The following ZNF691 variants were observed in gnomAD, a reference collection of about 807,000 sequenced individuals.
ZNF691 encodes the protein zinc finger protein 691.
Under a neutral mutation model 24.1 loss-of-function variants are expected in ZNF691, and 11 were observed. The observed-to-expected ratio is 0.46, with a 90% CI of 0.29 to 0.75. ZNF691 has a LOEUF of 0.75. Among genes scored for constraint, ZNF691 ranks in the 30% least tolerant of loss-of-function variants. The probability of loss-of-function intolerance (pLI) is 0.11; values close to 1 mark genes in which losing one functional copy is unlikely to be tolerated. For missense variants in ZNF691, 356 were observed against 409.0 expected (o/e 0.87, Z 1.12); for synonymous variants, 149 against 153.9 (o/e 0.97, Z 0.23).
chr1:42,851,173 T>C lies in ZNF691; in HGVS notation c.308T>C (p.Ile103Thr). 5.6e-6 allele frequency: 9 copies of C among 1,614,192 alleles called. No individual in the cohort carries two copies. Among genetic ancestry groups the C allele is most frequent in the Non-Finnish European group, 7.6e-6 (9 of 1,180,036 alleles). Residue 103 changes from isoleucine to threonine, a missense_variant, in exon 4 of 4, where the codon ATT (isoleucine) becomes ACT (threonine). Transcript: ENST00000651192. The surrounding 1 kb of genome is among the most constrained non-coding windows in gnomAD (Gnocchi z 4.7). ...TVRARELGDP[I>T]AHPRHEADEK... ...CGGGCTCGAGAGCTAGGGGACCCCATTGCTCATCCAAGGCATGAGGCAGAT... is the reference window on the plus strand; with the variant it reads ...CGGGCTCGAGAGCTAGGGGACCCCACTGCTCATCCAAGGCATGAGGCAGAT...
At chr1:42,847,928 T>C (rs1179766649) in intron 1 of ZNF691, among the ~76,000 whole-genome samples, 1 of 152,204 alleles carries the variant, frequency 6.6e-6, no homozygotes, top group East Asian at 1.9e-4. Flanking sequence ...ATTCGAGCTT[T>C]AAAAAAATGT....
At chr1:42,849,771 C>G (rs756344007) in intron 3 of ZNF691, 29 bp downstream of exon 3, 29 of 1,538,766 alleles carry the variant, frequency 1.9e-5, no homozygotes, top group Non-Finnish European at 2.5e-5. Context: ...CTTTCCCTGT[C>G]CTTGGCTGTA....
Position 42,851,407 on chromosome 1 carries a change from G to A in ZNF691, c.542G>A (p.Arg181Gln), listed in dbSNP as rs375726750. 39 of 1,613,990 alleles carry A rather than the reference G, an allele frequency of 2.4e-5. No individual in the cohort carries two copies. The highest frequency in any genetic ancestry group is 3.1e-5 in the Non-Finnish European group (36 of 1,180,038). The change falls in exon 4 of 4, where the codon CGG becomes CAG. Residue 181 changes from arginine (R) to glutamine (Q), a missense_variant. Transcript: ENST00000651192. This position sits in a 1 kb window ranked among gnomAD's most constrained non-coding sequence, Gnocchi z 4.7. Reference protein sequence around the residue: ...YKCPKCQESFRRRSDLTTHQQ... With the variant: ...YKCPKCQESFQRRSDLTTHQQ... The stretch of plus-strand genomic sequence containing the variant: ...TGCCCCAAGTGCCAGGAGAGCTTTC[G>A]GCGGCGCTCAGACCTCACCACGCAC...
Position 42,851,324 on chromosome 1 carries a change from G to A in ZNF691, c.459G>A (p.Ser153=), listed in dbSNP as rs183197489. ...GTTCTGAATGTGGCAAGAGCTTCTC[G>A]AGAAGCTCCAACCGCATCCGGCACG... ...YKCSECGKSF[S]RSSNRIRHER... Residue 153 remains serine, a synonymous_variant, in exon 4 of 4, where the codon TCG becomes TCA. Transcript: ENST00000651192. The surrounding 1 kb of genome is among the most constrained non-coding windows in gnomAD (Gnocchi z 4.7). 27 of 1,613,592 alleles carry A rather than the reference G, an allele frequency of 1.7e-5. No homozygotes were observed. Among genetic ancestry groups the A allele is most frequent in the Admixed American group, 6.7e-5 (4 of 59,980 alleles).
At chr1:42,847,948 G>A (rs1004538600) in intron 1 of ZNF691, among the ~76,000 whole-genome samples, 1 of 152,198 alleles carries the variant, frequency 6.6e-6, no homozygotes, top group Non-Finnish European at 1.5e-5. Flanking sequence ...TTAATAATGT[G>A]CCAGGTGCTG....
chr1:42,848,448 C>CA (rs1655296889), intron 1 of ZNF691, among the ~76,000 whole-genome samples: 1 of 152,112 alleles, frequency 6.6e-6, no homozygotes, highest in South Asian at 2.1e-4. Context: ...CTAGTAGTTG[C>CA]AAACCACTAT....
In ZNF691 at chr1:42,851,953, G is replaced by A. The variant is rs1570560275; in HGVS notation, c.*140G>A. On this transcript the variant is annotated 3_prime_UTR_variant, in exon 4 of 4. Transcript: ENST00000651192. This position sits in a 1 kb window ranked among gnomAD's most constrained non-coding sequence, Gnocchi z 4.7. ...AGAATGGTTTTGTATAGCCTCTGAA[G>A]TCAGGATCTCAGGAAGTCCTGAGGA... 4.5e-6 allele frequency: 6 copies of A among 1,330,638 alleles called. No individual in the cohort carries two copies. In the East Asian group the frequency reaches 1.5e-4, roughly 33 times the overall value. The allele number at this position is 1,330,638 out of a possible 1,614,324, so 82.4% of individuals were successfully genotyped here. A position where few individuals can be genotyped will look rare whatever the true frequency, so the allele number is the denominator to read the frequency against.
chr1:42,850,660 G>C (rs12082515), intron 3 of ZNF691: 64 of 1,550,172 alleles, frequency 4.1e-5, no homozygotes, highest in Middle Eastern at 1.7e-4. Flanking sequence ...ATTGCTTAGT[G>C]GTTTCAAGAA....
In ZNF691 at chr1:42,851,211, A is replaced by T; in HGVS notation, c.346A>T (p.Ile116Leu). ...PRHEADEKPF[I>L]CAQCGKTFNN... ...GCATGAGGCAGATGAGAAGCCCTTT[A>T]TATGTGCCCAGTGTGGCAAAACCTT... Residue 116 changes from isoleucine (I) to leucine (L), a missense_variant, in exon 4 of 4, where the codon ATA becomes TTA. Transcript: ENST00000651192. This position sits in a 1 kb window ranked among gnomAD's most constrained non-coding sequence, Gnocchi z 4.7. 1.2e-6 allele frequency: 2 copies of T among 1,614,224 alleles called. No homozygotes were observed. Among genetic ancestry groups the T allele is most frequent in the Non-Finnish European group, 1.7e-6 (2 of 1,180,042 alleles).
chr1:42,850,737 T>A (rs748111621), intron 3 of ZNF691: 1 of 1,550,672 alleles, frequency 6.4e-7, no homozygotes, highest in African/African-American at 1.4e-5. Context: ...GCCTTCTTTT[T>A]GCTCTGGTGG....
rs1326019618 is a variant in ZNF691 at position 42,851,967 on chromosome 1, A to G, written c.*154A>G. On this transcript the variant is annotated 3_prime_UTR_variant, in exon 4 of 4. Transcript: ENST00000651192. This position sits in a 1 kb window ranked among gnomAD's most constrained non-coding sequence, Gnocchi z 4.7. ...TAGCCTCTGAAGTCAGGATCTCAGGAAGTCCTGAGGAGGGACTCTGGAATA... is the reference window on the plus strand; with the variant it reads ...TAGCCTCTGAAGTCAGGATCTCAGGGAGTCCTGAGGAGGGACTCTGGAATA... The G allele has an allele frequency of 4.1e-6, 5 of 1,218,140 alleles. No homozygotes were observed. The highest frequency in any genetic ancestry group is 5.9e-6 in the Non-Finnish European group (5 of 843,552). The allele number at this position is 1,218,140 out of a possible 1,614,324, so 75.5% of individuals were successfully genotyped here.
intron 1 of ZNF691, 139 bp from the exon 2 acceptor site, chr1:42,849,152 A>G (rs1655312509): frequency 3.4e-6 from 1 of 292,160 alleles, no homozygotes; most frequent in South Asian, 3.2e-5. Flanking sequence ...AAGCTTGTCA[A>G]CCTCTGGTTC....
intron 3 of ZNF691, chr1:42,850,556 A>G (rs750506826): frequency 1.4e-4 from 212 of 1,478,520 alleles, no homozygotes; most frequent in Non-Finnish European, 1.9e-4. Flanking sequence ...AAACATAAAA[A>G]GAGTTACAGT....
chr1:42,850,776 C>T, intron 3 of ZNF691, 174 bp from the exon 4 acceptor site: 2 of 1,549,732 alleles, frequency 1.3e-6, no homozygotes, highest in Non-Finnish European at 1.7e-6. Context: ...GAAAGTTTGT[C>T]ACTTAAAAGG....
Position 42,851,411 on chromosome 1 carries a change from G to A in ZNF691, c.546G>A (p.Arg182=). The change falls in exon 4 of 4, where the codon CGG becomes CGA. Residue 182 remains arginine, a synonymous_variant. Coordinates refer to ENST00000651192, the MANE Select transcript of ZNF691 (RefSeq NM_001242739.2). This position sits in a 1 kb window ranked among gnomAD's most constrained non-coding sequence, Gnocchi z 4.7. ...CCAAGTGCCAGGAGAGCTTTCGGCGGCGCTCAGACCTCACCACGCACCAGC... is the reference window on the plus strand; with the variant it reads ...CCAAGTGCCAGGAGAGCTTTCGGCGACGCTCAGACCTCACCACGCACCAGC... ...KCPKCQESFR[R]RSDLTTHQQD... 1 of 1,614,140 alleles carries A rather than the reference G, an allele frequency of 6.2e-7. No homozygotes were observed. Among genetic ancestry groups the A allele is most frequent in the Non-Finnish European group, 8.5e-7 (1 of 1,180,034 alleles).
chr1:42,852,085 G>T lies in ZNF691; in HGVS notation c.*272G>T, dbSNP rs1655414892. ...CTTTCTTGGGGTGAAAGAGAAATAG[G>T]GTAGGCTCAGAACATGCTCATGTTA... On this transcript the variant is annotated 3_prime_UTR_variant, in exon 4 of 4. Transcript: ENST00000651192. 1 of 582,634 alleles carries T rather than the reference G, an allele frequency of 1.7e-6. No homozygotes were observed. Among genetic ancestry groups the T allele is most frequent in the African/African-American group, 1.9e-5 (1 of 53,716 alleles). The allele number at this position is 582,634 out of a possible 1,614,324, so 36.1% of individuals were successfully genotyped here.
chr1:42,851,939 G>T lies in ZNF691; in HGVS notation c.*126G>T, dbSNP rs999189796. 1.1e-5 allele frequency: 16 copies of T among 1,416,742 alleles called. No homozygotes were observed. The highest frequency in any genetic ancestry group is 3.7e-5 in the South Asian group (3 of 81,026). 87.8% of individuals were successfully genotyped at this position (1,416,742 alleles called of 1,614,324 possible). On this transcript the variant is annotated 3_prime_UTR_variant, in exon 4 of 4. Coordinates refer to ENST00000651192, the MANE Select transcript of ZNF691 (RefSeq NM_001242739.2). This position sits in a 1 kb window ranked among gnomAD's most constrained non-coding sequence, Gnocchi z 4.7. ...TCATCCCACTTTGGAGAATGGTTTT[G>T]TATAGCCTCTGAAGTCAGGATCTCA...
At chr1:42,850,456 A>C in intron 3 of ZNF691, 1 of 985,404 alleles carries the variant, frequency 1.0e-6, no homozygotes, top group Non-Finnish European at 1.2e-6. Flanking sequence ...GTCACCTAGG[A>C]AAGCCTCAAG....
In ZNF691 at chr1:42,851,941, A is replaced by G. The variant is rs373061048; in HGVS notation, c.*128A>G. 30 of 1,406,758 alleles carry G rather than the reference A, an allele frequency of 2.1e-5. No individual in the cohort carries two copies. Among genetic ancestry groups the G allele is most frequent in the African/African-American group, 5.7e-5 (4 of 70,390 alleles). The allele number at this position is 1,406,758 out of a possible 1,614,324, so 87.1% of individuals were successfully genotyped here. ...ATCCCACTTTGGAGAATGGTTTTGT[A>G]TAGCCTCTGAAGTCAGGATCTCAGG... On this transcript the variant is annotated 3_prime_UTR_variant, in exon 4 of 4. Transcript: ENST00000651192. The surrounding 1 kb of genome is among the most constrained non-coding windows in gnomAD (Gnocchi z 4.7).
Sources: allele counts gnomAD v4.1 joint callset (sites outside exome capture counted in the v4.1 genomes callset), GRCh38; gene constraint gnomAD v4.1.1; non-coding constraint Gnocchi (gnomAD v3.1); transcripts MANE v1.5; gene names NCBI Gene and HGNC (gene_info 2026-07-23, HGNC 2026-07-21).